The following SDCBP2 variants were observed in gnomAD, a reference collection of about 807,000 sequenced individuals.
The protein encoded by SDCBP2 is syntenin-2.
In SDCBP2, 28 loss-of-function variants were observed where a neutral mutation model predicts 30.7. That is an observed-to-expected ratio of 0.91 (90% CI 0.68 to 1.25). The LOEUF (loss-of-function observed/expected upper bound fraction) is 1.25. SDCBP2 is among the 50% of genes most tolerant of loss of function. SDCBP2 has a pLI of 0.00. For synonymous variants in SDCBP2, 166 were observed against 157.3 expected (o/e 1.06, Z -0.41); for missense variants, 399 against 379.0 (o/e 1.05, Z -0.44).
intron 1 of SDCBP2, chr20:1,323,933 G>A (rs1490063127): frequency 6.6e-6 from 1 of 152,098 alleles, no homozygotes; most frequent in South Asian, 2.1e-4. Context: ...CCTTGTAGCA[G>A]CTCACAATAT....
In SDCBP2 at chr20:1,310,190, C is replaced by A. The variant is rs934092907; in HGVS notation, c.*251G>T. 5 of 414,152 alleles carry A rather than the reference C, an allele frequency of 1.2e-5. No individual in the cohort carries two copies. Among genetic ancestry groups the A allele is most frequent in the African/African-American group, 1.0e-4 (5 of 49,094 alleles). 25.7% of individuals were successfully genotyped at this position (414,152 alleles called of 1,614,324 possible). A position where few individuals can be genotyped will look rare whatever the true frequency, so the allele number is the denominator to read the frequency against. ...CGTTTAAACAGCCTGCCTCCGTGTC[C>A]AGCATTTAAATCAGCACAAGAGAAT... On this transcript the variant is annotated 3_prime_UTR_variant, in exon 9 of 9. Transcript: ENST00000360779.
In SDCBP2 at chr20:1,310,375, AG is replaced by A. The variant is rs558061972; in HGVS notation, c.*65del. On this transcript the variant is annotated 3_prime_UTR_variant, in exon 9 of 9. Coordinates refer to ENST00000360779, the MANE Select transcript of SDCBP2 (RefSeq NM_080489.5). ...CAGGCCGGCTGCAACCCATCATCCG[AG>A]GGTGGTTGCCCTTTGCTGCAGGAGG... The A allele has an allele frequency of 2.1e-4, 324 of 1,524,484 alleles. No homozygotes were observed. In the African/African-American group the frequency reaches 4.2e-3, roughly 20 times the overall value. The allele number at this position is 1,524,484 out of a possible 1,614,324, so 94.4% of individuals were successfully genotyped here. A position where few individuals can be genotyped will look rare whatever the true frequency, so the allele number is the denominator to read the frequency against.
chr20:1,319,459 G>A, intron 3 of SDCBP2, 131 bp downstream of exon 3: 4 of 996,542 alleles, frequency 4.0e-6, no homozygotes, highest in Non-Finnish European at 6.1e-6. Flanking sequence ...TGGAAGCCTG[G>A]TCCTCTCTTC....
In SDCBP2 at chr20:1,313,720, G is replaced by A. The variant is rs1471765946; in HGVS notation, c.226-222C>T. The A allele has an allele frequency of 4.0e-6, 5 of 1,249,010 alleles. No individual in the cohort carries two copies. The highest frequency in any genetic ancestry group is 3.7e-5 in the Admixed American group (1 of 26,754). The allele number at this position is 1,249,010 out of a possible 1,614,324, so 77.4% of individuals were successfully genotyped here. On this transcript the variant is annotated intron_variant, in intron 4 of 8. Coordinates refer to ENST00000360779, the MANE Select transcript of SDCBP2 (RefSeq NM_080489.5). This position sits in a 1 kb window ranked among gnomAD's most constrained non-coding sequence, Gnocchi z 5.2. ...TGCCCTTAAAAAGCCAGGAAAACGG[G>A]GAGGGAAGGGGCGAGGATACAGGAA...
chr20:1,317,414 A>G (rs1488956358), intron 4 of SDCBP2, among the ~76,000 whole-genome samples: 1 of 152,234 alleles, frequency 6.6e-6, no homozygotes, highest in Non-Finnish European at 1.5e-5. Flanking sequence ...TGTATTCATC[A>G]TCTTATATTT....
In SDCBP2 at chr20:1,312,743, A is replaced by G. The variant is rs1487267452; in HGVS notation, c.404T>C (p.Val135Ala). Reference protein sequence around the residue: ...KVDQGLFVQLVQANTPASLVG... With the variant: ...KVDQGLFVQLAQANTPASLVG... ...AAGGGATGCAGGGGTGTTGGCCTGG[A>G]CCAACTGCACAAAGAGCCCCTGGGG... The change falls in exon 6 of 9, where the codon GTC becomes GCC. Residue 135 changes from valine (V) to alanine (A), a missense_variant. Physicochemically the swap from Val to Ala is moderately conservative, Grantham distance 64 (BLOSUM62 0). Coordinates refer to ENST00000360779, the MANE Select transcript of SDCBP2 (RefSeq NM_080489.5). 2 of 1,612,854 alleles carry G rather than the reference A, an allele frequency of 1.2e-6. No individual in the cohort carries two copies. The highest frequency in any genetic ancestry group is 2.7e-5 in the African/African-American group (2 of 74,912).
Position 1,320,466 on chromosome 20 carries a change from G to A in SDCBP2, c.-19-31C>T, listed in dbSNP as rs774363418. On this transcript the variant is annotated intron_variant, in intron 1 of 8. Coordinates refer to ENST00000360779, the MANE Select transcript of SDCBP2 (RefSeq NM_080489.5). This position sits in a 1 kb window ranked among gnomAD's most constrained non-coding sequence, Gnocchi z 4.7. ...GAGTGCAGAGGGTGGGGAAGGATAA[G>A]GATGCAGCTGATGCCCCCTTGAAAG... The A allele has an allele frequency of 1.3e-6, 2 of 1,551,894 alleles. No homozygotes were observed. Among genetic ancestry groups the A allele is most frequent in the African/African-American group, 1.4e-5 (1 of 73,324 alleles).
At position 1,318,378 on chromosome 20, in the gene SDCBP2, A is replaced by T. The variant is rs773798385; in HGVS notation, c.165T>A (p.Gly55=). 5.0e-6 allele frequency: 8 copies of T among 1,608,408 alleles called. No homozygotes were observed. Among genetic ancestry groups the T allele is most frequent in the Non-Finnish European group, 5.9e-6 (7 of 1,177,504 alleles). ...GGACTTCTTGGCTGGAGAGGGAAAG[A>T]CCCATATAATTTTCCAGTTCTGCCA... ...PNLAELENYM[G]LSLSSQEVQE... Residue 55 remains glycine, a synonymous_variant, in exon 4 of 9, where the codon GGT becomes GGA. Coordinates refer to ENST00000360779, the MANE Select transcript of SDCBP2 (RefSeq NM_080489.5).
chr20:1,316,426 G>A (rs2088777425), intron 4 of SDCBP2, among the ~76,000 whole-genome samples: 1 of 152,188 alleles, frequency 6.6e-6, no homozygotes, highest in African/African-American at 2.4e-5. Context: ...GTCTCACTCT[G>A]TCACCCAGGC....
Position 1,320,406 on chromosome 20 carries a change from A to G in SDCBP2, c.11T>C (p.Leu4Pro). 4 of 1,613,938 alleles carry G rather than the reference A, an allele frequency of 2.5e-6. No homozygotes were observed. The highest frequency in any genetic ancestry group is 3.4e-6 in the Non-Finnish European group (4 of 1,179,848). ...TTTTAGGTCCTCTAGAGATGGGTACAGGGATGACATGGCTGATTCTCAGAA... is the reference window on the plus strand; with the variant it reads ...TTTTAGGTCCTCTAGAGATGGGTACGGGGATGACATGGCTGATTCTCAGAA... MSS[L>P]YPSLEDLKVD... Residue 4 changes from leucine (L) to proline (P), a missense_variant, in exon 2 of 9, where the codon CTG (leucine) becomes CCG (proline). By Grantham distance (98) the Leu-to-Pro change is moderately conservative. Coordinates refer to ENST00000360779, the MANE Select transcript of SDCBP2 (RefSeq NM_080489.5). The surrounding 1 kb of genome is among the most constrained non-coding windows in gnomAD (Gnocchi z 4.7).
chr20:1,328,678 T>C (rs549259058), intron 1 of SDCBP2, among the ~76,000 whole-genome samples: 2 of 152,108 alleles, frequency 1.3e-5, no homozygotes, highest in Non-Finnish European at 2.9e-5. Flanking sequence ...GGTTTTTTGA[T>C]AGAAACAGCC....
At chr20:1,318,664 G>T (rs2088813314) in intron 3 of SDCBP2, among the ~76,000 whole-genome samples, 1 of 152,116 alleles carries the variant, frequency 6.6e-6, no homozygotes, top group Admixed American at 6.5e-5. Flanking sequence ...GACTTTATTT[G>T]ACACCCAGAA....
At position 1,313,103 on chromosome 20, in the gene SDCBP2, G is replaced by A; in HGVS notation, c.384+237C>T. 1.7e-6 allele frequency: 1 copy of A among 599,354 alleles called. No individual in the cohort carries two copies. The highest frequency in any genetic ancestry group is 2.9e-6 in the Non-Finnish European group (1 of 339,876). 37.1% of individuals were successfully genotyped at this position (599,354 alleles called of 1,614,324 possible). A position where few individuals can be genotyped will look rare whatever the true frequency, so the allele number is the denominator to read the frequency against. On this transcript the variant is annotated intron_variant, in intron 5 of 8. Transcript: ENST00000360779. The surrounding 1 kb of genome is among the most constrained non-coding windows in gnomAD (Gnocchi z 5.2). The stretch of plus-strand genomic sequence containing the variant: ...GGGCAGCGAAGGGCAGGTGGGGAAG[G>A]GAGGCTCCTCCGAGCGACGGAAGCC...
At chr20:1,317,753 T>C (rs1018575) in intron 4 of SDCBP2, 173,452 of 208,334 alleles carry the variant, frequency 0.83, 72,708 homozygotes, top group East Asian at 1. Flanking sequence ...TTCAGTTTCA[T>C]CGGCTCAGGA....
chr20:1,323,486 C>T (rs1357733596), intron 1 of SDCBP2: 1 of 152,184 alleles, frequency 6.6e-6, no homozygotes, highest in African/African-American at 2.4e-5. Flanking sequence ...TCCTGGAAAT[C>T]ACTCCCGGGC....
In SDCBP2 at chr20:1,320,481, C is replaced by T. The variant is rs1021401568; in HGVS notation, c.-19-46G>A. ...GGAAGGATAAGGATGCAGCTGATGC[C>T]CCCTTGAAAGGAGGCACAGACATCC... is the stretch of plus-strand genomic sequence containing the variant. On this transcript the variant is annotated intron_variant, in intron 1 of 8. Coordinates refer to ENST00000360779, the MANE Select transcript of SDCBP2 (RefSeq NM_080489.5). This position sits in a 1 kb window ranked among gnomAD's most constrained non-coding sequence, Gnocchi z 4.7. 14 of 1,480,522 alleles carry T rather than the reference C, an allele frequency of 9.5e-6. No individual in the cohort carries two copies. Among genetic ancestry groups the T allele is most frequent in the Non-Finnish European group, 1.3e-5 (14 of 1,075,782 alleles). The allele number at this position is 1,480,522 out of a possible 1,614,324, so 91.7% of individuals were successfully genotyped here.
rs1474438914 is a variant in SDCBP2 at position 1,313,463 on chromosome 20, C to T, written c.261G>A (p.Val87=). 1 of 1,599,496 alleles carries T rather than the reference C, an allele frequency of 6.3e-7. No homozygotes were observed. The highest frequency in any genetic ancestry group is 8.5e-7 in the Non-Finnish European group (1 of 1,175,478). ...CCAGGCTGTACCCGGTTACCGGTGCCACCATCTGGCCGGGCCCGGGGCCCG... is the reference window on the plus strand; with the variant it reads ...CCAGGCTGTACCCGGTTACCGGTGCTACCATCTGGCCGGGCCCGGGGCCCG... The part of the protein sequence containing the change: ...AVSGPGPGQM[V]APVTGYSLGV... Residue 87 remains valine (V), a synonymous_variant, in exon 5 of 9, where the codon GTG becomes GTA. Transcript: ENST00000360779. This position sits in a 1 kb window ranked among gnomAD's most constrained non-coding sequence, Gnocchi z 5.2.
intron 8 of SDCBP2, 100 bp downstream of exon 8, chr20:1,310,700 A>G (rs2088650475): frequency 1.8e-6 from 2 of 1,137,038 alleles, no homozygotes; most frequent in African/African-American, 1.5e-5. Flanking sequence ...GTCAGCACTG[A>G]GAAAGTGGAA....
intron 2 of SDCBP2, among the ~76,000 whole-genome samples, chr20:1,319,994 G>T (rs968067225): frequency 6.6e-6 from 1 of 152,184 alleles, no homozygotes; most frequent in African/African-American, 2.4e-5. Flanking sequence ...CAGAGTGCTG[G>T]GATGGAGGAG....
Sources: gnomAD v4.1 joint callset for allele counts (sites outside exome capture counted in the v4.1 genomes callset) on GRCh38, gnomAD v4.1.1 for gene constraint, Gnocchi (gnomAD v3.1) non-coding constraint, MANE v1.5 for transcripts, NCBI Gene and HGNC (gene_info 2026-07-23, HGNC 2026-07-21) for gene names.